Variants in GRIP1 observed in about 807,000 individuals in gnomAD.
GRIP1 encodes the protein glutamate receptor-interacting protein 1.
In GRIP1, 45 loss-of-function variants were observed where a neutral mutation model predicts 129.9. The ratio of observed to expected loss-of-function variants is 0.35; its 90% CI spans 0.27 to 0.44. GRIP1 has a LOEUF of 0.44. Among genes scored for constraint, GRIP1 ranks in the 20% least tolerant of loss-of-function variants. The probability of loss-of-function intolerance (pLI) is 1.00; values close to 1 mark genes in which losing one functional copy is unlikely to be tolerated. For synonymous variants in GRIP1, 530 were observed against 520.8 expected (o/e 1.02, Z -0.24); for missense variants, 1,196 against 1,396.8 (o/e 0.86, Z 2.29).
At chr12:66,759,221 C>T (rs1328742806) in intron 1 of GRIP1, among the ~76,000 whole-genome samples, 1 of 152,242 alleles carries the variant, frequency 6.6e-6, no homozygotes, top group Non-Finnish European at 1.5e-5. Context: ...ACAGGCTCAA[C>T]ACCATGTGGA....
chr12:66,734,587 T>C (rs2036537819), intron 1 of GRIP1, among the ~76,000 whole-genome samples: 1 of 152,200 alleles, frequency 6.6e-6, no homozygotes, highest in African/African-American at 2.4e-5. Flanking sequence ...TTTCTTAGTA[T>C]ACAGATCTAT....
chr12:66,390,751 T>C (rs2056553301), intron 19 of GRIP1, among the ~76,000 whole-genome samples: 2 of 152,232 alleles, frequency 1.3e-5, no homozygotes, highest in Admixed American at 6.5e-5. Context: ...AATAAATTGA[T>C]AAATAAACCT....
chr12:66,826,009 A>G (rs1392213436), intron 1 of GRIP1, among the ~76,000 whole-genome samples: 3 of 152,164 alleles, frequency 2.0e-5, no homozygotes, highest in Non-Finnish European at 4.4e-5. Flanking sequence ...AGAGGCACAC[A>G]TATGTTTATT....
chr12:66,526,126 G>A (rs2061228345), intron 5 of GRIP1, among the ~76,000 whole-genome samples: 1 of 151,846 alleles, frequency 6.6e-6, no homozygotes, highest in South Asian at 2.1e-4. Context: ...TAGATTCAAT[G>A]CCATCCCCAA....
chr12:66,584,631 G>GGAATATGCTATATGGGAATGTCACGGGCC (rs2063543218), intron 2 of GRIP1, among the ~76,000 whole-genome samples: 6 of 152,116 alleles, frequency 3.9e-5, no homozygotes, highest in African/African-American at 1.4e-4. Flanking sequence ...CCAGTGGAAT[G>GGAATATGCTATATGGGAATGTCACGGGCC]GAATATGCTA....
At chr12:66,670,456 T>G (rs1237295419) in intron 1 of GRIP1, among the ~76,000 whole-genome samples, 2 of 152,178 alleles carry the variant, frequency 1.3e-5, no homozygotes, top group African/African-American at 4.8e-5. Flanking sequence ...ACGTTAGCAG[T>G]GGCGCTCATA....
intron 1 of GRIP1, among the ~76,000 whole-genome samples, chr12:66,645,873 G>T (rs1024277914): frequency 1.1e-4 from 16 of 152,150 alleles, no homozygotes; most frequent in African/African-American, 3.9e-4. Flanking sequence ...ATCAATATCA[G>T]GAGGCTCATA....
chr12:66,542,734 C>T (rs2061825388), intron 2 of GRIP1, among the ~76,000 whole-genome samples: 1 of 152,142 alleles, frequency 6.6e-6, no homozygotes, highest in Admixed American at 6.5e-5. Context: ...TGAGTAGAGT[C>T]AATATTTACC....
intron 2 of GRIP1, among the ~76,000 whole-genome samples, chr12:66,546,626 T>C (rs2061955199): frequency 6.6e-6 from 1 of 152,068 alleles, no homozygotes; most frequent in Admixed American, 6.6e-5. Flanking sequence ...TGCAATTCAA[T>C]AGAGGAAAGG....
chr12:66,389,789 C>A (rs1323175129), intron 19 of GRIP1, among the ~76,000 whole-genome samples: 2 of 152,080 alleles, frequency 1.3e-5, no homozygotes, highest in East Asian at 3.9e-4. Flanking sequence ...GTGTGATTTT[C>A]CTTTCTGAAT....
intron 1 of GRIP1, among the ~76,000 whole-genome samples, chr12:66,892,697 C>T (rs2040681807): frequency 6.6e-6 from 1 of 152,170 alleles, no homozygotes; most frequent in Non-Finnish European, 1.5e-5. Context: ...TGTGGTAGCT[C>T]ACACGTGCAA....
At position 66,935,469 on chromosome 12, in the gene GRIP1, G is replaced by C. The variant is rs1163570021; in HGVS notation, c.58+133581C>G. 2.0e-5 allele frequency among the ~76,000 whole-genome samples: 3 copies of C among 152,278 alleles called. No homozygotes were observed. The South Asian group carries it at 6.2e-4, about 32-fold the overall frequency. On this transcript the variant is annotated intron_variant, in intron 1 of 1. Coordinates refer to the GRIP1 transcript ENST00000643019. ...GAAAGACCAATTATGTGATTAAAGG[G>C]TTGGGGCTTTGAGTCAGGTGATATT...
chr12:66,386,559 G>A (rs574908607), intron 19 of GRIP1, among the ~76,000 whole-genome samples: 12 of 152,250 alleles, frequency 7.9e-5, no homozygotes, highest in Middle Eastern at 6.8e-3. Flanking sequence ...GCATGAACCC[G>A]GGAGGCGGAG....
chr12:66,493,351 A>C (rs541070222), intron 7 of GRIP1, among the ~76,000 whole-genome samples: 2 of 152,276 alleles, frequency 1.3e-5, no homozygotes, highest in South Asian at 4.2e-4. Context: ...CTAATATTCA[A>C]TTATTGTGTG....
chr12:66,404,283 G>T (rs933427151), intron 16 of GRIP1, among the ~76,000 whole-genome samples: 1 of 152,108 alleles, frequency 6.6e-6, no homozygotes, highest in Non-Finnish European at 1.5e-5. Context: ...CTTGGAAAAG[G>T]AATCATAAAC....
chr12:66,631,999 T>C (rs760184454), intron 1 of GRIP1, among the ~76,000 whole-genome samples: 1 of 152,120 alleles, frequency 6.6e-6, no homozygotes, highest in Non-Finnish European at 1.5e-5. Context: ...ACTGAGAGGA[T>C]CTCAGGAGCC....
intron 1 of GRIP1, among the ~76,000 whole-genome samples, chr12:66,634,649 A>AC (rs1227848741): frequency 6.6e-6 from 1 of 152,250 alleles, no homozygotes; most frequent in Non-Finnish European, 1.5e-5. Flanking sequence ...AAAGAGGTTT[A>AC]ACACAGTAAA....
intron 13 of GRIP1, among the ~76,000 whole-genome samples, chr12:66,438,984 A>G (rs1161433018): frequency 6.6e-6 from 1 of 152,216 alleles, no homozygotes; most frequent in Non-Finnish European, 1.5e-5. Context: ...AAGCAGAACC[A>G]TAAATCTGAG....
At chr12:66,921,312 A>G (rs1023791710) in intron 1 of GRIP1, among the ~76,000 whole-genome samples, 2 of 152,226 alleles carry the variant, frequency 1.3e-5, no homozygotes, top group African/African-American at 4.8e-5. Context: ...GATTCCACAC[A>G]AAATACACAG....
Sources: gnomAD v4.1 joint callset for allele counts (sites outside exome capture counted in the v4.1 genomes callset) on GRCh38, gnomAD v4.1.1 for gene constraint, MANE v1.5 for transcripts, NCBI Gene and HGNC (gene_info 2026-07-23, HGNC 2026-07-21) for gene names.